The following RENBP variants were observed in gnomAD, a reference collection of about 807,000 sequenced individuals.
The protein encoded by RENBP is renin binding protein, also known as N-acylglucosamine 2-epimerase.
In RENBP, 16 loss-of-function variants were observed where a neutral mutation model predicts 37.8. The ratio of observed to expected loss-of-function variants is 0.42; its 90% CI spans 0.29 to 0.64. RENBP has a LOEUF of 0.64. Ranked by LOEUF, RENBP falls within the 30% of genes least tolerant of loss-of-function variation. The pLI is 0.19. For synonymous variants in RENBP, 170 were observed against 154.8 expected (o/e 1.10, Z -0.73); for missense variants, 347 against 379.5 (o/e 0.91, Z 0.71).
Position 153,942,902 on chromosome X carries a change from C to T in RENBP, c.640G>A (p.Ala214Thr), listed in dbSNP as rs1557109812. ...EADEELAGKY[A>T]ELGDWCARRI... ...CGGGCGCACCAGTCCCCCAGCTCTG[C>T]GTATTTGCCCGCCAGCTCCTCATCT... The change falls in exon 6 of 11, where the codon GCA (alanine) becomes ACA (threonine). Residue 214 changes from alanine (A) to threonine (T), a missense_variant. This residue lies in a region of RENBP where 244 missense variants were observed against 279.4 expected (regional missense o/e 0.87). Coordinates refer to ENST00000393700, the MANE Select transcript of RENBP (RefSeq NM_002910.6). 1.7e-6 allele frequency: 2 copies of T among 1,211,079 alleles called. No homozygotes were observed. Among genetic ancestry groups the T allele is most frequent in the South Asian group, 1.8e-5 (1 of 57,028 alleles).
At chrX:153,943,801 C>T (rs2065237854) in intron 4 of RENBP, 83 bp from the exon 5 acceptor site, 1 of 1,176,936 alleles carries the variant, frequency 8.5e-7, no homozygotes, top group South Asian at 1.8e-5. Flanking sequence ...AAGTCCTTCG[C>T]TGCTTCTAGA....
chrX:153,936,437 C>T (rs2065202529), intron 9 of RENBP, among the ~76,000 whole-genome samples: 1 of 96,848 alleles, frequency 1.0e-5, no homozygotes, highest in Admixed American at 1.2e-4. Context: ...ACCCGGGAGG[C>T]GGAGCTTGCA....
chrX:153,943,393 C>A, intron 5 of RENBP, 153 bp downstream of exon 5: 1 of 585,681 alleles, frequency 1.7e-6, no homozygotes, highest in South Asian at 3.0e-5. Context: ...TCCGTCTGCG[C>A]CCCTGTGGGG....
intron 6 of RENBP, 195 bp from the exon 7 acceptor site, chrX:153,942,226 TG>T: frequency 8.2e-6 from 2 of 244,273 alleles, no homozygotes; most frequent in African/African-American, 4.3e-5. Context: ...CCTAGCAAGT[TG>T]TTGTTTTTTT....
chrX:153,935,476 C>T lies in RENBP; in HGVS notation c.1165+13G>A, dbSNP rs1354669685. 7.5e-6 allele frequency: 9 copies of T among 1,195,486 alleles called. No homozygotes were observed. In the African/African-American group the frequency reaches 1.2e-4, roughly 16 times the overall value. On this transcript the variant is annotated intron_variant, in intron 10 of 10. Coordinates refer to ENST00000393700, the MANE Select transcript of RENBP (RefSeq NM_002910.6). ...GGCGCAACCCCTGCGGCCCCGCCCT[C>T]TCCCCCACTCACCTTTGAAAGGACC...
chrX:153,935,670 G>A (rs2065196711), intron 9 of RENBP, 94 bp from the exon 10 acceptor site: 1 of 698,043 alleles, frequency 1.4e-6, no homozygotes, highest in African/African-American at 2.1e-5. Context: ...GTTGACCCCA[G>A]GTGACGTGGC....
intron 2 of RENBP, 39 bp from the exon 3 acceptor site, chrX:153,944,194 T>C (rs782532835): frequency 3.4e-5 from 41 of 1,190,530 alleles, no homozygotes; most frequent in Non-Finnish European, 4.7e-5. Flanking sequence ...GGAACGGGCC[T>C]TGCCAGCCCC....
intron 4 of RENBP, 87 bp downstream of exon 4, chrX:153,943,808 T>C (rs1297519254): frequency 8.5e-7 from 1 of 1,170,821 alleles, no homozygotes; most frequent in African/African-American, 1.8e-5. Context: ...TCGCTGCTTC[T>C]AGATCCCTCT....
At chrX:153,936,173 T>G (rs782535864) in intron 9 of RENBP, 1 of 112,198 alleles carries the variant, frequency 8.9e-6, no homozygotes, top group East Asian at 2.9e-4. Flanking sequence ...ACAAAAAAGT[T>G]CTCTATTGTG....
At chrX:153,944,467 C>G (rs782371031) in intron 1 of RENBP, 49 bp from the exon 2 acceptor site, 153 of 1,171,706 alleles carry the variant, frequency 1.3e-4, no homozygotes, top group Non-Finnish European at 1.7e-4. Context: ...GGACCTAGGC[C>G]CCCCCAGCCT....
In RENBP at chrX:153,941,941, G is replaced by A. The variant is rs372530468; in HGVS notation, c.769+9C>T. ...TCCTGGGTGGCCCCCAGCCCACCCC[G>A]CCCCTCACCTGGGTTCTGCTGTCTC... On this transcript the variant is annotated intron_variant, in intron 7 of 10. Transcript: ENST00000393700. 24 of 361,321 alleles carry A rather than the reference G, an allele frequency of 6.6e-5. No homozygotes were observed. Among genetic ancestry groups the A allele is most frequent in the Non-Finnish European group, 9.0e-5 (21 of 233,762 alleles). 29.8% of individuals were successfully genotyped at this position (361,321 alleles called of 1,213,427 possible).
chrX:153,938,343 A>G (rs916518084), intron 9 of RENBP, among the ~76,000 whole-genome samples: 4 of 112,330 alleles, frequency 3.6e-5, no homozygotes, highest in Non-Finnish European at 7.5e-5. Flanking sequence ...AATGGCAGCA[A>G]ATGCTAGTTT....
At chrX:153,937,982 C>T (rs2065210643) in intron 9 of RENBP, among the ~76,000 whole-genome samples, 1 of 112,511 alleles carries the variant, frequency 8.9e-6, no homozygotes, top group Non-Finnish European at 1.9e-5. Context: ...CCACCCGCCT[C>T]AGTCTCCCAA....
Position 153,943,725 on chromosome X carries a change from G to A in RENBP, c.290-7C>T. 1 of 1,206,922 alleles carries A rather than the reference G, an allele frequency of 8.3e-7. No individual in the cohort carries two copies. Among genetic ancestry groups the A allele is most frequent in the Non-Finnish European group, 1.1e-6 (1 of 892,819 alleles). On this transcript the variant is annotated splice_region_variant and splice_polypyrimidine_tract_variant and intron_variant, in intron 4 of 10. Coordinates refer to ENST00000393700, the MANE Select transcript of RENBP (RefSeq NM_002910.6). Reference sequence around the variant, plus strand: ...CGCAGCAAGAACTCACCACCTGGAGGTTGGGGGGTTGGCATGCCAGGGGTA... The same window carrying A: ...CGCAGCAAGAACTCACCACCTGGAGATTGGGGGGTTGGCATGCCAGGGGTA...
In RENBP at chrX:153,941,504, C is replaced by T. The variant is rs1311179043; in HGVS notation, c.919G>A (p.Asp307Asn). ...TGGGTGGGGCAGAAGTTATCAGCAT[C>T]CTGGAAGTAAAAGAGGCCTCCGTGG... ...PDHGGLFYFQ[D>N]ADNFCPTQLE... The change falls in exon 8 of 11, where the codon GAT becomes AAT. Residue 307 changes from aspartate to asparagine, a missense_variant. Asp to Asn is a conservative substitution (Grantham distance 23, BLOSUM62 1). This residue lies in a region of RENBP where 244 missense variants were observed against 279.4 expected (regional missense o/e 0.87). Coordinates refer to ENST00000393700, the MANE Select transcript of RENBP (RefSeq NM_002910.6). 8.3e-7 allele frequency: 1 copy of T among 1,208,662 alleles called. No individual in the cohort carries two copies. The highest frequency in any genetic ancestry group is 1.1e-6 in the Non-Finnish European group (1 of 894,835).
At chrX:153,939,500 C>T (rs1557109151) in intron 9 of RENBP, among the ~76,000 whole-genome samples, 2 of 112,189 alleles carry the variant, frequency 1.8e-5, no homozygotes, top group East Asian at 2.8e-4. Context: ...CCCTCTGTCC[C>T]CACCAGCTCC....
rs1557110210 is a variant in RENBP at position 153,944,355 on chromosome X, G to A, written c.91C>T (p.Arg31Cys). Residue 31 changes from arginine (R) to cysteine (C), a missense_variant, in exon 2 of 11, where the codon CGC becomes TGC. By Grantham distance (180) the Arg-to-Cys change is radical (BLOSUM62 -3). This residue lies in a region of RENBP where 244 missense variants were observed against 279.4 expected (regional missense o/e 0.87). Transcript: ENST00000393700. ...WKERVGQELD[R>C]VVAFWMEHSH... is the part of the protein sequence containing the mutation. ...TGCTCCATCCAGAAAGCCACCACGC[G>A]GTCCAGCTCCTGCCCCACGCGCTCC... 9.1e-6 allele frequency: 11 copies of A among 1,211,324 alleles called. No individual in the cohort carries two copies. Among genetic ancestry groups the A allele is most frequent in the Middle Eastern group, 2.3e-4 (1 of 4,348 alleles).
intron 8 of RENBP, among the ~76,000 whole-genome samples, chrX:153,940,867 C>T (rs1363614107): frequency 8.9e-6 from 1 of 111,822 alleles, no homozygotes; most frequent in Non-Finnish European, 1.9e-5. Context: ...CAGCCGGGTG[C>T]GGTGGCTCAC....
intron 5 of RENBP, 126 bp from the exon 6 acceptor site, chrX:153,943,205 C>CCAAG: frequency 1.9e-6 from 1 of 535,846 alleles, no homozygotes; most frequent in Non-Finnish European, 2.9e-6. Context: ...CATCCAGGGC[C>CCAAG]TACTTGGGGC....
Sources: gnomAD v4.1 joint callset for allele counts (sites outside exome capture counted in the v4.1 genomes callset) on GRCh38, gnomAD v4.1.1 for gene constraint, gnomAD v4.1.1 regional missense constraint, MANE v1.5 for transcripts, NCBI Gene and HGNC (gene_info 2026-07-23, HGNC 2026-07-21) for gene names.